SCGB2B2: variants seen among roughly 807,000 people sequenced by gnomAD.
SCGB2B2 encodes secretoglobin family 2B member 2.
In SCGB2B2, 11 loss-of-function variants were observed where a neutral mutation model predicts 7.6. The ratio of observed to expected loss-of-function variants is 1.45; its 90% confidence interval spans 0.91 to 2.40. The LOEUF (loss-of-function observed/expected upper bound fraction) is 2.40. Among genes scored for constraint, SCGB2B2 ranks in the 30% most tolerant of loss-of-function variants. The pLI is 0.00. For missense variants in SCGB2B2, 104 were observed against 115.4 expected, an observed-to-expected ratio of 0.90 and a Z score of 0.45; for synonymous variants, 50 against 48.6, an observed-to-expected ratio of 1.03 and a Z score of -0.12.
intron 1 of SCGB2B2, among the ~76,000 whole-genome samples, chr19:34,600,355 T>A (rs78263499): frequency 6.6e-6 from 1 of 152,226 alleles, no homozygotes; most frequent in African/African-American, 2.4e-5. Context: ...TGTAGGGAGC[T>A]TTCATATGTT....
intron 1 of SCGB2B2, among the ~76,000 whole-genome samples, chr19:34,620,448 T>C (rs1280673035): frequency 6.9e-6 from 1 of 145,948 alleles, no homozygotes; most frequent in Non-Finnish European, 1.5e-5. Flanking sequence ...AAACACTGCA[T>C]GTTCTCACTC....
chr19:34,599,655 C>G (rs1369043030), intron 1 of SCGB2B2, among the ~76,000 whole-genome samples: 2 of 152,136 alleles, frequency 1.3e-5, no homozygotes, highest in African/African-American at 2.4e-5. Context: ...GCATACAATT[C>G]AAGATGAGAT....
At chr19:34,616,574 T>C (rs1166475791) in intron 1 of SCGB2B2, among the ~76,000 whole-genome samples, 1 of 140,860 alleles carries the variant, frequency 7.1e-6, no homozygotes, top group African/African-American at 2.6e-5. Flanking sequence ...CATTGTAGAT[T>C]CTGGATATTA....
chr19:34,587,301 T>C (rs985718912), downstream of SCGB2B2, among the ~76,000 whole-genome samples: 7 of 152,218 alleles, frequency 4.6e-5, no homozygotes, highest in African/African-American at 1.4e-4. Flanking sequence ...TCAAGTGTCA[T>C]TACACTTTCT....
intron 1 of SCGB2B2, among the ~76,000 whole-genome samples, chr19:34,668,122 G>A (rs1276764231): frequency 2.6e-5 from 4 of 152,248 alleles, no homozygotes; most frequent in Non-Finnish European, 5.9e-5. Context: ...GCCCAGCGCT[G>A]CACTGTGGGA....
At chr19:34,590,548 T>C (rs926960807), downstream of SCGB2B2, among the ~76,000 whole-genome samples, 2 of 152,216 alleles carry the variant, frequency 1.3e-5, no homozygotes, top group African/African-American at 2.4e-5. Flanking sequence ...GCAAGACTCT[T>C]GTTGAAGAGG....
At chr19:34,631,229 C>T (rs111764641) in intron 1 of SCGB2B2, among the ~76,000 whole-genome samples, 3,997 of 151,532 alleles carry the variant, frequency 0.026, 181 homozygotes, top group African/African-American at 0.09. Flanking sequence ...CAAACCTGCA[C>T]GTTGTGCACA....
intron 1 of SCGB2B2, among the ~76,000 whole-genome samples, chr19:34,610,493 GGTTT>G (rs1189115249): frequency 1.3e-5 from 2 of 151,994 alleles, no homozygotes; most frequent in Non-Finnish European, 2.9e-5. Flanking sequence ...TTCTATACCC[GGTTT>G]GTTAAGAGTT....
chr19:34,611,218 ATAGT>A (rs926444992), intron 1 of SCGB2B2, among the ~76,000 whole-genome samples: 5 of 151,910 alleles, frequency 3.3e-5, no homozygotes, highest in South Asian at 2.1e-4. Context: ...TTCTTGTTTC[ATAGT>A]TAGTCTGGTT....
downstream of SCGB2B2, among the ~76,000 whole-genome samples, chr19:34,586,897 TTTG>T (rs370786119): frequency 4.6e-5 from 7 of 152,014 alleles, no homozygotes; most frequent in East Asian, 1.9e-4. Context: ...AATATGTAGC[TTTG>T]TTGTTGTTGT....
At chr19:34,657,705 A>G (rs183005222) in intron 1 of SCGB2B2, among the ~76,000 whole-genome samples, 10 of 152,310 alleles carry the variant, frequency 6.6e-5, no homozygotes, top group African/African-American at 2.4e-4. Flanking sequence ...AAGATTAACA[A>G]GGATATCCAG....
intron 1 of SCGB2B2, chr19:34,640,630 C>G (rs1228134893): frequency 1.3e-5 from 2 of 152,140 alleles, no homozygotes; most frequent in African/African-American, 4.8e-5. Context: ...TGAAGTTAAT[C>G]ATTTTAACTA....
chr19:34,588,322 A>G (rs970886424), downstream of SCGB2B2, among the ~76,000 whole-genome samples: 1 of 152,164 alleles, frequency 6.6e-6, no homozygotes, highest in Non-Finnish European at 1.5e-5. Flanking sequence ...ATTGTTGTTC[A>G]TGACAGCCTC....
At chr19:34,672,361 T>C (rs1170128877) in intron 1 of SCGB2B2, among the ~76,000 whole-genome samples, 1 of 152,194 alleles carries the variant, frequency 6.6e-6, no homozygotes, top group Non-Finnish European at 1.5e-5. Flanking sequence ...TCTTTACTAT[T>C]TCCTTCTTGT....
intron 1 of SCGB2B2, chr19:34,638,166 G>A (rs1285947976): frequency 6.6e-5 from 10 of 152,316 alleles, no homozygotes; most frequent in African/African-American, 2.4e-4. Flanking sequence ...ACTGAAATTG[G>A]GCTGGGTGCA....
intron 1 of SCGB2B2, among the ~76,000 whole-genome samples, chr19:34,631,560 A>G (rs912367271): frequency 7.2e-6 from 1 of 138,606 alleles, no homozygotes; most frequent in Non-Finnish European, 1.5e-5. Flanking sequence ...TGAGACATAT[A>G]AGATTTGCAG....
chr19:34,625,334 G>C (rs777376235), intron 1 of SCGB2B2, among the ~76,000 whole-genome samples: 26 of 152,194 alleles, frequency 1.7e-4, no homozygotes, highest in Non-Finnish European at 3.4e-4. Context: ...CATCTCATCC[G>C]GGAAGCACAA....
Position 34,590,808 on chromosome 19 carries a change from T to C in SCGB2B2, c.*2747A>G, listed in dbSNP as rs1031076012. 2.0e-5 allele frequency among the ~76,000 whole-genome samples: 3 copies of C among 152,254 alleles called. No individual in the cohort carries two copies. Among genetic ancestry groups the C allele is most frequent in the African/African-American group, 7.2e-5 (3 of 41,466 alleles). ...CAATTTCAGGACAACTGACAGATCA[T>C]GGGTAGACTCATCTTCAGTGACAAT... On this transcript the variant is annotated 3_prime_UTR_variant, in exon 4 of 4. Coordinates refer to ENST00000601241, the MANE Select transcript of SCGB2B2 (RefSeq NM_001025591.4).
rs1032710268 is a variant in SCGB2B2 at position 34,593,484 on chromosome 19, G to C, written c.*71C>G. On this transcript the variant is annotated 3_prime_UTR_variant, in exon 4 of 4. Coordinates refer to ENST00000601241, the MANE Select transcript of SCGB2B2 (RefSeq NM_001025591.4). Reference sequence around the variant, plus strand: ...TGGGGTCTCTGTAGTGATGAACAGAGCCAGGCCAGGAACGCGGGGAGCCCC... The same window carrying C: ...TGGGGTCTCTGTAGTGATGAACAGACCCAGGCCAGGAACGCGGGGAGCCCC... The C allele has an allele frequency of 2.5e-5, 30 of 1,198,934 alleles. No homozygotes were observed. Among genetic ancestry groups the C allele is most frequent in the Non-Finnish European group, 3.1e-5 (26 of 829,828 alleles). 74.3% of individuals were successfully genotyped at this position (1,198,934 alleles called of 1,614,324 possible). A position where few individuals can be genotyped will look rare whatever the true frequency, so the allele number is the denominator to read the frequency against.
Sources: gnomAD v4.1 joint callset for allele counts (sites outside exome capture counted in the v4.1 genomes callset) on GRCh38, gnomAD v4.1.1 for gene constraint, MANE v1.5 for transcripts, NCBI Gene and HGNC (gene_info 2026-07-23, HGNC 2026-07-21) for gene names.